Variants in GALNT10 observed in about 807,000 individuals in gnomAD.
GALNT10 encodes the protein polypeptide N-acetylgalactosaminyltransferase 10.
GALNT10 carries 41 observed loss-of-function variants against 75.0 expected under a neutral mutation model. The ratio of observed to expected loss-of-function variants is 0.55; its 90% CI spans 0.43 to 0.71. The LOEUF (loss-of-function observed/expected upper bound fraction) is 0.71. Ranked by LOEUF, GALNT10 falls within the 30% of genes least tolerant of loss-of-function variation. The pLI, the probability that GALNT10 is intolerant of heterozygous loss-of-function variation, is 0.00. For missense variants in GALNT10, 727 were observed against 818.5 expected, an observed-to-expected ratio of 0.89 and a Z score of 1.36; for synonymous variants, 302 against 313.0, an observed-to-expected ratio of 0.96 and a Z score of 0.37.
chr5:154,267,664 A>G (rs1753798769), intron 1 of GALNT10, among the ~76,000 whole-genome samples: 1 of 152,180 alleles, frequency 6.6e-6, no homozygotes, highest in Non-Finnish European at 1.5e-5. Context: ...TTCCTTGCCA[A>G]CATAGTGAGG....
Position 154,369,265 on chromosome 5 carries a change from G to C in GALNT10, c.569-7012G>C, listed in dbSNP as rs552349342. Among the ~76,000 whole-genome samples the C allele has an allele frequency of 3.3e-5, 5 of 152,296 alleles. No homozygotes were observed. In the South Asian group the frequency reaches 1.0e-3, roughly 32 times the overall value. ...TAGCCAGGCATGGTGATGCAGGTCTGTAATCCCAGCTACTCAGGAGGCTGA... is the reference window on the plus strand; with the variant it reads ...TAGCCAGGCATGGTGATGCAGGTCTCTAATCCCAGCTACTCAGGAGGCTGA... On this transcript the variant is annotated intron_variant, in intron 4 of 11. Coordinates refer to ENST00000297107, the MANE Select transcript of GALNT10 (RefSeq NM_198321.4).
At chr5:154,205,224 A>C (rs1194047168) in intron 1 of GALNT10, among the ~76,000 whole-genome samples, 1 of 152,224 alleles carries the variant, frequency 6.6e-6, no homozygotes, top group East Asian at 1.9e-4. Flanking sequence ...GTCAAAGGAC[A>C]CCGTTTCTCT....
chr5:154,241,098 T>G (rs1374445416), intron 1 of GALNT10, among the ~76,000 whole-genome samples: 1 of 152,230 alleles, frequency 6.6e-6, no homozygotes, highest in African/African-American at 2.4e-5. Context: ...AGATGGTCTA[T>G]TTCAGATTCC....
At chr5:154,293,613 A>ATATATATATTTTTTTTTTTTTT in intron 1 of GALNT10, among the ~76,000 whole-genome samples, 1 of 109,358 alleles carries the variant, frequency 9.1e-6, no homozygotes, top group African/African-American at 4.2e-5. Flanking sequence ...ATATATATAT[A>ATATATATATTTTTTTTTTTTTT]TTTTTTTTTT....
intron 6 of GALNT10, among the ~76,000 whole-genome samples, chr5:154,384,652 G>C (rs749642169): frequency 6.6e-5 from 10 of 152,204 alleles, no homozygotes; most frequent in Non-Finnish European, 1.2e-4. Flanking sequence ...GTTAAGGAAA[G>C]CAGAAATGAG....
At chr5:154,205,751 T>A (rs114034889) in intron 1 of GALNT10, among the ~76,000 whole-genome samples, 46 of 152,298 alleles carry the variant, frequency 3.0e-4, no homozygotes, top group South Asian at 1.2e-3. Flanking sequence ...GGAAGACGGC[T>A]GTGAAAAGCT....
At chr5:154,335,228 G>A (rs564057643) in intron 4 of GALNT10, among the ~76,000 whole-genome samples, 1 of 152,278 alleles carries the variant, frequency 6.6e-6, no homozygotes, top group South Asian at 2.1e-4. Flanking sequence ...GTATTCAGCA[G>A]TATTCATGAC....
chr5:154,276,145 C>T (rs1198806779), intron 1 of GALNT10, among the ~76,000 whole-genome samples: 1 of 152,154 alleles, frequency 6.6e-6, no homozygotes, highest in Non-Finnish European at 1.5e-5. Flanking sequence ...GGAGTTTCTG[C>T]TTAGGGTCTG....
chr5:154,364,357 A>T (rs1399860311), intron 4 of GALNT10, among the ~76,000 whole-genome samples: 2 of 152,148 alleles, frequency 1.3e-5, no homozygotes, highest in African/African-American at 4.8e-5. Flanking sequence ...ATGAGAGGTG[A>T]GGGATTAGAT....
At chr5:154,191,099 C>A in intron 1 of GALNT10, 74 bp downstream of exon 1, 2 of 1,032,240 alleles carry the variant, frequency 1.9e-6, no homozygotes, top group Non-Finnish European at 2.6e-6. Context: ...TTCCTTCCTC[C>A]ACCTTCTGCT....
intron 1 of GALNT10, among the ~76,000 whole-genome samples, chr5:154,205,904 C>T (rs543090765): frequency 3.7e-4 from 56 of 152,280 alleles, no homozygotes; most frequent in African/African-American, 1.3e-3. Flanking sequence ...GAATTTCAAG[C>T]CTCCAGAACT....
intron 4 of GALNT10, among the ~76,000 whole-genome samples, chr5:154,358,217 G>C (rs532766161): frequency 1.3e-5 from 2 of 152,292 alleles, no homozygotes; most frequent in South Asian, 4.1e-4. Context: ...TAAGGGGAAG[G>C]AATGGGATTT....
chr5:154,337,852 G>A (rs1393406896), intron 4 of GALNT10: 2 of 1,072,642 alleles, frequency 1.9e-6, no homozygotes, highest in Admixed American at 3.4e-5. Context: ...CAGCCTCTTG[G>A]GCTGGATGAA....
rs923259466 is a variant in GALNT10, at chr5:154,327,324, C to T, written c.402-2248C>T. 2.3e-4 allele frequency among the ~76,000 whole-genome samples: 35 copies of T among 152,132 alleles called. 1 individual carries two copies. Among genetic ancestry groups the T allele is most frequent in the Non-Finnish European group, 7.3e-5 (5 of 68,032 alleles). On this transcript the variant is annotated intron_variant, in intron 3 of 11. Transcript: ENST00000297107. Reference sequence around the variant, plus strand: ...CCCTTAGTGCTCATGTTGCAGCATCCGAATGGTGATATTGATGATATGAAG... The same window carrying T: ...CCCTTAGTGCTCATGTTGCAGCATCTGAATGGTGATATTGATGATATGAAG...
chr5:154,197,465 T>C (rs1253658238), intron 1 of GALNT10, among the ~76,000 whole-genome samples: 1 of 152,144 alleles, frequency 6.6e-6, no homozygotes, highest in Non-Finnish European at 1.5e-5. Flanking sequence ...TTTATGCGTG[T>C]GTAGCTTTCT....
chr5:154,260,109 G>T (rs549617940), intron 1 of GALNT10, among the ~76,000 whole-genome samples: 72 of 152,228 alleles, frequency 4.7e-4, no homozygotes, highest in Middle Eastern at 3.4e-3. Flanking sequence ...GTGTGCAGGG[G>T]CCACTTTGGC....
At chr5:154,316,786 C>T (rs1442071654) in intron 3 of GALNT10, among the ~76,000 whole-genome samples, 1 of 152,178 alleles carries the variant, frequency 6.6e-6, no homozygotes, top group Non-Finnish European at 1.5e-5. Flanking sequence ...TGTTTTGAGT[C>T]ATGAGCTGGC....
At chr5:154,297,781 TC>T (rs371970986) in intron 2 of GALNT10, among the ~76,000 whole-genome samples, 159 bp from the exon 3 acceptor site, 198 of 124,620 alleles carry the variant, frequency 1.6e-3, no homozygotes, top group African/African-American at 5.5e-3. Flanking sequence ...AAATGCTTGC[TC>T]CCCTCCTACT....
At chr5:154,282,420 A>C (rs1262365807) in intron 1 of GALNT10, among the ~76,000 whole-genome samples, 1 of 152,232 alleles carries the variant, frequency 6.6e-6, no homozygotes, top group Non-Finnish European at 1.5e-5. Flanking sequence ...ACATCTAGCT[A>C]CAAGGATGTC....
Sources: gnomAD v4.1 joint callset for allele counts (sites outside exome capture counted in the v4.1 genomes callset) on GRCh38, gnomAD v4.1.1 for gene constraint, MANE v1.5 for transcripts, NCBI Gene and HGNC (gene_info 2026-07-23, HGNC 2026-07-21) for gene names.